CA5A: variants seen among roughly 807,000 people sequenced by gnomAD.
CA5A encodes carbonic anhydrase 5A, also known as carbonic anhydrase 5A, mitochondrial.
CA5A carries 28 observed loss-of-function variants against 37.1 expected under a neutral mutation model. The ratio of observed to expected loss-of-function variants is 0.75; its 90% CI spans 0.56 to 1.03. CA5A has a LOEUF of 1.03. CA5A is among the 50% of genes least tolerant of loss of function. The pLI, the probability that CA5A is intolerant of heterozygous loss-of-function variation, is 0.00. For missense variants in CA5A, 444 were observed against 399.9 expected (o/e 1.11, Z -0.94); for synonymous variants, 171 against 158.4 (o/e 1.08, Z -0.60).
intron 1 of CA5A, among the ~76,000 whole-genome samples, chr16:87,931,236 C>T (rs2056399544): frequency 6.6e-6 from 1 of 151,680 alleles, no homozygotes; most frequent in East Asian, 1.9e-4. Flanking sequence ...CTCAGTCTCC[C>T]GAGTAGCTGG....
chr16:87,899,697 A>T (rs1382488437), intron 5 of CA5A, among the ~76,000 whole-genome samples: 1 of 150,572 alleles, frequency 6.6e-6, no homozygotes, highest in Non-Finnish European at 1.5e-5. Context: ...AGGTGGGCAG[A>T]TCACTTGAGG....
intron 2 of CA5A, among the ~76,000 whole-genome samples, chr16:87,918,063 G>A (rs2144031778): frequency 6.6e-6 from 1 of 152,342 alleles, no homozygotes; most frequent in East Asian, 1.9e-4. Flanking sequence ...GCCGATTTGT[G>A]CCCCACTAGA....
At chr16:87,909,749 C>G (rs1354405974) in intron 2 of CA5A, among the ~76,000 whole-genome samples, 1 of 152,212 alleles carries the variant, frequency 6.6e-6, no homozygotes, top group Non-Finnish European at 1.5e-5. Context: ...ACTGTAAATT[C>G]CGAAATTAGA....
At position 87,888,115 on chromosome 16, in the gene CA5A, T is replaced by G. The variant is rs1420370929; in HGVS notation, c.*14A>C. 4 of 1,582,684 alleles carry G rather than the reference T, an allele frequency of 2.5e-6. No individual in the cohort carries two copies. The Admixed American group carries it at 5.4e-5, about 21-fold the overall frequency. On this transcript the variant is annotated 3_prime_UTR_variant, in exon 7 of 7. Transcript: ENST00000649794. Reference sequence around the variant, plus strand: ...TTCAAAGTCAGTTCTGCTATTCATGTGGACCTAATGTCTCTAGGACCTTGT... The same window carrying G: ...TTCAAAGTCAGTTCTGCTATTCATGGGGACCTAATGTCTCTAGGACCTTGT...
intron 2 of CA5A, among the ~76,000 whole-genome samples, chr16:87,917,167 A>G (rs1189956276): frequency 6.6e-6 from 1 of 151,960 alleles, no homozygotes; most frequent in African/African-American, 2.4e-5. Flanking sequence ...TTCTGGATCC[A>G]AATGATAACA....
chr16:87,933,840 AT>A lies in CA5A; in HGVS notation c.142+2468del, dbSNP rs574053323. 9.2e-5 allele frequency among the ~76,000 whole-genome samples: 14 copies of A among 152,328 alleles called. No homozygotes were observed. The South Asian group carries it at 2.9e-3, about 32-fold the overall frequency. On this transcript the variant is annotated intron_variant, in intron 1 of 6. Coordinates refer to ENST00000649794, the MANE Select transcript of CA5A (RefSeq NM_001739.2). ...ATAAAACACCGACATAGAAGGATGA[AT>A]TCCTTATGATGTTCCAATCTTCTCT...
Position 87,911,137 on chromosome 16 carries a change from G to C in CA5A, c.341-6233C>G, listed in dbSNP as rs955267424. ...AAAAAAAAAGGCAAGCCCAATTCAC[G>C]AAAAGGGGTCTTTAAGCTGCCAGCC... On this transcript the variant is annotated intron_variant, in intron 2 of 6. Transcript: ENST00000649794. This position sits in a 1 kb window ranked among gnomAD's most constrained non-coding sequence, Gnocchi z 4.6. 7.0e-6 allele frequency among the ~76,000 whole-genome samples: 1 copy of C among 143,548 alleles called. No individual in the cohort carries two copies. The highest frequency in any genetic ancestry group is 2.0e-4 in the East Asian group (1 of 5,022). The allele number at this position is 143,548 out of a possible 152,430, so 94.2% of individuals were successfully genotyped here.
chr16:87,904,749 G>A, intron 3 of CA5A, 37 bp downstream of exon 3: 1 of 1,231,256 alleles, frequency 8.1e-7, no homozygotes. Flanking sequence ...GACATGGAAA[G>A]TGTGCAGATA....
At chr16:87,894,123 C>A (rs1474301402) in intron 5 of CA5A, among the ~76,000 whole-genome samples, 1 of 151,998 alleles carries the variant, frequency 6.6e-6, no homozygotes, top group Non-Finnish European at 1.5e-5. Context: ...CTATTTATAA[C>A]TTTTTATTTT....
intron 2 of CA5A, among the ~76,000 whole-genome samples, chr16:87,907,001 G>A (rs1484098804): frequency 2.0e-5 from 3 of 151,994 alleles, no homozygotes; most frequent in Non-Finnish European, 2.9e-5. Context: ...TGTATCACTT[G>A]AGGTCAGGTG....
At position 87,911,374 on chromosome 16, in the gene CA5A, T is replaced by C. The variant is rs1204572124; in HGVS notation, c.341-6470A>G. On this transcript the variant is annotated intron_variant, in intron 2 of 6. Transcript: ENST00000649794. The surrounding 1 kb of genome is among the most constrained non-coding windows in gnomAD (Gnocchi z 4.6). ...TGTGACGTGCTGGCCCCAGAGAATA[T>C]TGTCTCTGCTATTACAACAGATGCT... Among the ~76,000 whole-genome samples, 2 of 152,172 alleles carry C rather than the reference T, an allele frequency of 1.3e-5. No individual in the cohort carries two copies. The highest frequency in any genetic ancestry group is 2.9e-5 in the Non-Finnish European group (2 of 68,020).
intron 1 of CA5A, among the ~76,000 whole-genome samples, chr16:87,928,727 CTG>C (rs1487810444): frequency 2.2e-5 from 3 of 138,702 alleles, no homozygotes; most frequent in Non-Finnish European, 3.1e-5. Context: ...TGTTCTTTCT[CTG>C]TATTCTCATC....
At chr16:87,901,011 A>G (rs2055870230) in intron 5 of CA5A, among the ~76,000 whole-genome samples, 1 of 152,232 alleles carries the variant, frequency 6.6e-6, no homozygotes, top group South Asian at 2.1e-4. Context: ...GGATCACCTG[A>G]AGTCAGCAGT....
At chr16:87,905,213 G>A (rs983666641) in intron 2 of CA5A, among the ~76,000 whole-genome samples, 9 of 151,858 alleles carry the variant, frequency 5.9e-5, no homozygotes, top group Non-Finnish European at 1.2e-4. Context: ...CGTAAAGAAC[G>A]TTTCTGTGAT....
chr16:87,886,478 T>A (rs1447066847), downstream of CA5A: 1 of 152,194 alleles, frequency 6.6e-6, no homozygotes, highest in Non-Finnish European at 1.5e-5. Context: ...ATCTATAATC[T>A]GTCAGGAATT....
At chr16:87,900,898 G>C (rs1168685690) in intron 5 of CA5A, among the ~76,000 whole-genome samples, 4 of 152,206 alleles carry the variant, frequency 2.6e-5, no homozygotes, top group Non-Finnish European at 5.9e-5. Context: ...CCAGGACAAG[G>C]CTAAAAATTT....
At chr16:87,892,463 T>G (rs1387417069) in intron 5 of CA5A, among the ~76,000 whole-genome samples, 2 of 148,664 alleles carry the variant, frequency 1.3e-5, no homozygotes, top group Non-Finnish European at 3.0e-5. Context: ...TGAGCCGAGA[T>G]CATGCCACTG....
At chr16:87,912,318 A>G (rs572579842) in intron 2 of CA5A, among the ~76,000 whole-genome samples, 100 of 152,254 alleles carry the variant, frequency 6.6e-4, no homozygotes, top group African/African-American at 2.3e-3. Flanking sequence ...TAAATAAACA[A>G]TAAAATAAAC....
At chr16:87,925,610 G>A (rs1437607049) in intron 2 of CA5A, 1 of 152,230 alleles carries the variant, frequency 6.6e-6, no homozygotes, top group East Asian at 1.9e-4. Context: ...CACCAGGTAG[G>A]ACCTGGCAGC....
Sources: allele counts gnomAD v4.1 joint callset (sites outside exome capture counted in the v4.1 genomes callset), GRCh38; gene constraint gnomAD v4.1.1; non-coding constraint Gnocchi (gnomAD v3.1); transcripts MANE v1.5; gene names NCBI Gene and HGNC (gene_info 2026-07-23, HGNC 2026-07-21).